PABPC4L: variants seen among roughly 807,000 people sequenced by gnomAD.
The protein encoded by PABPC4L is poly(A) binding protein cytoplasmic 4 like.
For synonymous variants in PABPC4L, 169 were observed against 164.1 expected (o/e 1.03, Z -0.23); for missense variants, 452 against 451.4 (o/e 1.00, Z -0.01).
chr4:134,174,645 T>C, the PABPC4L span, among the ~76,000 whole-genome samples: 1 of 152,166 alleles, frequency 6.6e-6, no homozygotes, highest in Non-Finnish European at 1.5e-5. Flanking sequence ...TATGTTTGTA[T>C]TTGTGTGCAT....
At chr4:134,025,790 C>T in the PABPC4L span, among the ~76,000 whole-genome samples, 2 of 151,948 alleles carry the variant, frequency 1.3e-5, no homozygotes, top group African/African-American at 4.8e-5. Flanking sequence ...AATATTATTA[C>T]ATTATGCTAA....
chr4:134,141,374 G>GA, the PABPC4L span, among the ~76,000 whole-genome samples: 46 of 143,456 alleles, frequency 3.2e-4, no homozygotes, highest in Admixed American at 7.7e-4. Flanking sequence ...GGATAAAAAT[G>GA]AAAAAAAAAA....
At chr4:134,091,121 G>A in the PABPC4L span, among the ~76,000 whole-genome samples, 1 of 152,166 alleles carries the variant, frequency 6.6e-6, no homozygotes, top group Admixed American at 6.6e-5. Context: ...CATTATGCAT[G>A]TGAGTTGTCC....
the PABPC4L span, among the ~76,000 whole-genome samples, chr4:134,065,408 G>C: frequency 6.6e-6 from 1 of 151,884 alleles, no homozygotes; most frequent in African/African-American, 2.4e-5. Flanking sequence ...AAAAGTTTCT[G>C]TTCATGTCCT....
chr4:134,023,920 A>G, the PABPC4L span, among the ~76,000 whole-genome samples: 10 of 152,098 alleles, frequency 6.6e-5, no homozygotes. Context: ...GATTTTGGAG[A>G]AAAAAACTTA....
At chr4:134,062,778 G>A in the PABPC4L span, among the ~76,000 whole-genome samples, 1 of 152,024 alleles carries the variant, frequency 6.6e-6, no homozygotes, top group African/African-American at 2.4e-5. Flanking sequence ...ATCTTTACAT[G>A]TGAAAACTAG....
chr4:134,175,519 G>C, the PABPC4L span, among the ~76,000 whole-genome samples: 1 of 151,990 alleles, frequency 6.6e-6, no homozygotes, highest in Non-Finnish European at 1.5e-5. Context: ...CACAATCTCG[G>C]CTCACTGCAA....
chr4:134,140,492 T>C, the PABPC4L span, among the ~76,000 whole-genome samples: 1 of 151,858 alleles, frequency 6.6e-6, no homozygotes, highest in Admixed American at 6.6e-5. Context: ...TAACCATTTA[T>C]ACATTTAAAA....
chr4:134,074,808 C>T, the PABPC4L span, among the ~76,000 whole-genome samples: 1 of 152,074 alleles, frequency 6.6e-6, no homozygotes, highest in Non-Finnish European at 1.5e-5. Flanking sequence ...CATAAAACTA[C>T]CAGATCTTGT....
chr4:134,139,750 C>T, the PABPC4L span, among the ~76,000 whole-genome samples: 1 of 150,986 alleles, frequency 6.6e-6, no homozygotes, highest in African/African-American at 2.4e-5. Flanking sequence ...GTCTCAAACT[C>T]CTGGCCTCAA....
chr4:134,162,391 A>G, the PABPC4L span, among the ~76,000 whole-genome samples: 2 of 152,142 alleles, frequency 1.3e-5, no homozygotes, highest in African/African-American at 4.8e-5. Flanking sequence ...CTAAGAAAAG[A>G]GATAGACACC....
the PABPC4L span, among the ~76,000 whole-genome samples, chr4:133,980,937 C>A: frequency 1.3e-5 from 2 of 152,118 alleles, no homozygotes; most frequent in African/African-American, 4.8e-5. Context: ...GTGGGCAGAT[C>A]ATTTGAGGTC....
At chr4:134,082,960 G>A in the PABPC4L span, among the ~76,000 whole-genome samples, 1 of 152,142 alleles carries the variant, frequency 6.6e-6, no homozygotes, top group Admixed American at 6.5e-5. Context: ...GCCCTTCTCT[G>A]TACTGCATGA....
the PABPC4L span, among the ~76,000 whole-genome samples, chr4:134,024,924 T>TTTTTC: frequency 1.3e-4 from 2 of 15,068 alleles, no homozygotes; most frequent in East Asian, 0.077. Flanking sequence ...AATTATGTAA[T>TTTTTC]TTTTTTTTTT....
chr4:134,155,256 A>C, the PABPC4L span, among the ~76,000 whole-genome samples: 1 of 152,048 alleles, frequency 6.6e-6, no homozygotes, highest in East Asian at 1.9e-4. Context: ...GCTATATTTA[A>C]AGTAGACTTC....
the PABPC4L span, among the ~76,000 whole-genome samples, chr4:134,018,142 G>T: frequency 6.6e-6 from 1 of 151,830 alleles, no homozygotes; most frequent in Non-Finnish European, 1.5e-5. Context: ...CCTTCTCCTG[G>T]CTCATCCTGG....
the PABPC4L span, among the ~76,000 whole-genome samples, chr4:134,039,102 G>A: frequency 6.6e-6 from 1 of 152,094 alleles, no homozygotes; most frequent in African/African-American, 2.4e-5. Flanking sequence ...GTCAGGAGCA[G>A]GTTGTTCAGT....
At chr4:134,040,622 C>G in the PABPC4L span, among the ~76,000 whole-genome samples, 2 of 151,996 alleles carry the variant, frequency 1.3e-5, no homozygotes, top group African/African-American at 4.8e-5. Flanking sequence ...CCATAAAAAC[C>G]CTAGAAGAAA....
chr4:133,966,108 G>A, the PABPC4L span, among the ~76,000 whole-genome samples: 7 of 151,242 alleles, frequency 4.6e-5, no homozygotes, highest in Non-Finnish European at 8.9e-5. Context: ...CAAGGAACTC[G>A]AATCAACAAG....
Sources: allele counts gnomAD v4.1 joint callset (sites outside exome capture counted in the v4.1 genomes callset), GRCh38; gene constraint gnomAD v4.1.1; transcripts MANE v1.5; gene names NCBI Gene and HGNC (gene_info 2026-07-23, HGNC 2026-07-21).